DNAH17: variants seen among roughly 807,000 people sequenced by gnomAD.
DNAH17 encodes the protein dynein axonemal heavy chain 17.
A neutral mutation model predicts 485.6 loss-of-function variants in DNAH17; 376 were observed. The ratio of observed to expected loss-of-function variants is 0.77; its 90% CI spans 0.71 to 0.84. The LOEUF (loss-of-function observed/expected upper bound fraction) is 0.84. Ranked by LOEUF, DNAH17 falls within the 40% of genes least tolerant of loss-of-function variation. DNAH17 has a pLI of 0.00. For synonymous variants in DNAH17, 3,031 were observed against 2,405.9 expected (o/e 1.26, Z -7.60); for missense variants, 6,370 against 5,839.3 (o/e 1.09, Z -2.96).
At position 78,494,649 on chromosome 17, in the gene DNAH17, C is replaced by T. The variant is rs771686283; in HGVS notation, c.6214G>A (p.Gly2072Arg). ...DDLPVFMGLI[G>R]DLFPALDVPR... ...ACGTCCAGAGCCGGGAAGAGGTCCCCGATCAGTCCCATGAATACGGGCAGG... is the reference window on the plus strand; with the variant it reads ...ACGTCCAGAGCCGGGAAGAGGTCCCTGATCAGTCCCATGAATACGGGCAGG... Residue 2072 changes from glycine to arginine, a missense_variant, in exon 40 of 81, where the codon GGG becomes AGG. Gly to Arg is a moderately radical substitution (Grantham distance 125). Coordinates refer to ENST00000389840, the MANE Select transcript of DNAH17 (RefSeq NM_173628.4). The T allele has an allele frequency of 3.5e-5, 57 of 1,613,822 alleles. No individual in the cohort carries two copies. Among genetic ancestry groups the T allele is most frequent in the Non-Finnish European group, 4.1e-5 (48 of 1,179,910 alleles).
At chr17:78,434,693 C>G (rs1205326158) in intron 74 of DNAH17, among the ~76,000 whole-genome samples, 2 of 152,006 alleles carry the variant, frequency 1.3e-5, no homozygotes, top group Non-Finnish European at 1.5e-5. Flanking sequence ...GGTCGCTTCT[C>G]AAACCCTTTC....
intron 56 of DNAH17, among the ~76,000 whole-genome samples, chr17:78,464,326 C>A (rs1178690461): frequency 6.6e-6 from 1 of 152,212 alleles, no homozygotes; most frequent in Non-Finnish European, 1.5e-5. Flanking sequence ...GTGGCACAAT[C>A]TTGGCTTACT....
At chr17:78,463,361 C>CACATAT (rs1357192318) in intron 56 of DNAH17, among the ~76,000 whole-genome samples, 2 of 152,234 alleles carry the variant, frequency 1.3e-5, no homozygotes, top group African/African-American at 4.8e-5. Flanking sequence ...TACACACACA[C>CACATAT]GTATATGTGC....
intron 74 of DNAH17, 120 bp downstream of exon 74, chr17:78,437,521 G>T: frequency 3.0e-6 from 2 of 663,138 alleles, no homozygotes; most frequent in Non-Finnish European, 5.0e-6. Context: ...GACAGGGGAA[G>T]CCCAGAGGGG....
chr17:78,493,907 C>A, intron 41 of DNAH17, 129 bp downstream of exon 41: 1 of 1,348,118 alleles, frequency 7.4e-7, no homozygotes, highest in South Asian at 1.5e-5. Flanking sequence ...TGACTCAGGC[C>A]GGAGGGCTCC....
intron 1 of DNAH17, among the ~76,000 whole-genome samples, chr17:78,575,606 A>T (rs1235722977): frequency 6.6e-6 from 1 of 151,946 alleles, no homozygotes; most frequent in Admixed American, 6.6e-5. Flanking sequence ...CTTAACTTTC[A>T]CTCTGCTCTG....
At position 78,494,784 on chromosome 17, in the gene DNAH17, C is replaced by T; in HGVS notation, c.6079G>A (p.Val2027Met). Reference sequence around the variant, plus strand: ...TTCAGGGAGCCGGCCACCACCAGCACAGACTTGATGGCTCTCAGGCCCCAG... The same window carrying T: ...TTCAGGGAGCCGGCCACCACCAGCATAGACTTGATGGCTCTCAGGCCCCAG... Reference protein sequence around the residue: ...YDWGLRAIKSVLVVAGSLKRG... With the variant: ...YDWGLRAIKSMLVVAGSLKRG... The change falls in exon 40 of 81, where the codon GTG becomes ATG. Residue 2027 changes from valine to methionine, a missense_variant. Val to Met is a conservative substitution (Grantham distance 21). Coordinates refer to ENST00000389840, the MANE Select transcript of DNAH17 (RefSeq NM_173628.4). The T allele has an allele frequency of 6.2e-7, 1 of 1,612,884 alleles. No individual in the cohort carries two copies. The highest frequency in any genetic ancestry group is 8.5e-7 in the Non-Finnish European group (1 of 1,179,418).
At position 78,550,289 on chromosome 17, in the gene DNAH17, G is replaced by A. The variant is rs151337794; in HGVS notation, c.2391+1246C>T. Among the ~76,000 whole-genome samples, 68 of 14,906 alleles carry A rather than the reference G, an allele frequency of 4.6e-3. No homozygotes were observed. The East Asian group carries it at 0.079, about 17-fold the overall frequency. 9.8% of individuals were successfully genotyped at this position (14,906 alleles called of 152,430 possible). ...CTAAAGATAACGAAGAACTCTGCAC[G>A]CCCCAGACAGAGAGGACAGGCTCAT... On this transcript the variant is annotated intron_variant, in intron 16 of 80. Coordinates refer to ENST00000389840, the MANE Select transcript of DNAH17 (RefSeq NM_173628.4).
Position 78,429,335 on chromosome 17 carries a change from C to T in DNAH17, c.12226-35G>A. ...GATGACAGCGGGTAGGGGAAAGTGC[C>T]CCTGTGCCCCTTCTCTGCCATGAGA... On this transcript the variant is annotated intron_variant, in intron 75 of 80. Coordinates refer to ENST00000389840, the MANE Select transcript of DNAH17 (RefSeq NM_173628.4). The T allele has an allele frequency of 2.5e-6, 4 of 1,598,136 alleles. No individual in the cohort carries two copies. The East Asian group carries it at 6.7e-5, about 27-fold the overall frequency.
Position 78,479,086 on chromosome 17 carries a change from A to C in DNAH17, c.7931T>G (p.Leu2644Arg). 1 of 1,614,014 alleles carries C rather than the reference A, an allele frequency of 6.2e-7. No individual in the cohort carries two copies. The highest frequency in any genetic ancestry group is 8.5e-7 in the Non-Finnish European group (1 of 1,179,874). Residue 2644 changes from leucine to arginine, a missense_variant, in exon 51 of 81, where the codon CTT (leucine) becomes CGT (arginine). Physicochemically the swap from Leu to Arg is moderately radical, Grantham distance 102. Transcript: ENST00000389840. ...ALHQKITATF[L>R]PTAIKFHYVF... ...ATAATGAAACTTAATGGCCGTGGGA[A>C]GAAATGTTGCCGTGATTTTCTGATG...
At chr17:78,460,058 G>A in intron 59 of DNAH17, 57 bp from the exon 60 acceptor site, 1 of 1,599,628 alleles carries the variant, frequency 6.3e-7, no homozygotes, top group Non-Finnish European at 8.5e-7. Context: ...CCTCGGTGAT[G>A]CCCCGAAGAA....
chr17:78,556,413 A>T (rs987062517), intron 14 of DNAH17, among the ~76,000 whole-genome samples: 1 of 152,230 alleles, frequency 6.6e-6, no homozygotes, highest in Non-Finnish European at 1.5e-5. Context: ...CAGCAGAATG[A>T]AACAGATCCA....
rs1171791894 is a variant in DNAH17, at chr17:78,507,372, G to A, written c.4585-3C>T. 1.2e-6 allele frequency: 2 copies of A among 1,613,912 alleles called. No homozygotes were observed. The highest frequency in any genetic ancestry group is 1.3e-5 in the African/African-American group (1 of 74,918). On this transcript the variant is annotated splice_region_variant and splice_polypyrimidine_tract_variant and intron_variant, in intron 28 of 80. Transcript: ENST00000389840. ...TTCACTGCATCTTCCATCAAGGCCT[G>A]GGAAGAGAAGGGGATCGCCAAGGCA...
intron 16 of DNAH17, among the ~76,000 whole-genome samples, chr17:78,545,442 G>C (rs2091732960): frequency 6.6e-6 from 1 of 152,166 alleles, no homozygotes. Flanking sequence ...GGCATGTTTG[G>C]TTCCAGGTGA....
chr17:78,495,896 T>C lies in DNAH17; in HGVS notation c.5882A>G (p.Glu1961Gly), dbSNP rs1182231758. ...GTACCTGAATAAGGCTTTTAGGTTCTCAGGCAGCTCCGCGCGTCCGGCGTA... is the reference window on the plus strand; with the variant it reads ...GTACCTGAATAAGGCTTTTAGGTTCCCAGGCAGCTCCGCGCGTCCGGCGTA... ...PGYAGRAELP[E>G]NLKALFRPCA... The change falls in exon 38 of 81, where the codon GAG (glutamate) becomes GGG (glycine). Residue 1961 changes from glutamate (E) to glycine (G), a missense_variant. Coordinates refer to ENST00000389840, the MANE Select transcript of DNAH17 (RefSeq NM_173628.4). 2 of 1,613,756 alleles carry C rather than the reference T, an allele frequency of 1.2e-6. No individual in the cohort carries two copies. The highest frequency in any genetic ancestry group is 1.7e-6 in the Non-Finnish European group (2 of 1,179,766).
intron 62 of DNAH17, among the ~76,000 whole-genome samples, chr17:78,457,318 C>A (rs897643148): frequency 6.6e-6 from 1 of 152,072 alleles, no homozygotes; most frequent in African/African-American, 2.4e-5. Flanking sequence ...TTGCAGTGAG[C>A]CAAGATCGTG....
chr17:78,500,968 C>T (rs2090267130), intron 35 of DNAH17: 1 of 450,542 alleles, frequency 2.2e-6, no homozygotes, highest in South Asian at 6.5e-5. Context: ...CCCAACTCAG[C>T]AGGCCCACAG....
At chr17:78,449,376 C>T in intron 69 of DNAH17, 38 bp downstream of exon 69, 1 of 1,522,450 alleles carries the variant, frequency 6.6e-7, no homozygotes, top group South Asian at 1.2e-5. Context: ...CACCGCTGGT[C>T]CACGGACCAC....
intron 47 of DNAH17, among the ~76,000 whole-genome samples, chr17:78,485,337 C>T (rs570098730): frequency 6.6e-6 from 1 of 152,248 alleles, no homozygotes; most frequent in South Asian, 2.1e-4. Flanking sequence ...AAAACCCCAT[C>T]ACCATGCCCA....
Sources: gnomAD v4.1 joint callset for allele counts (sites outside exome capture counted in the v4.1 genomes callset) on GRCh38, gnomAD v4.1.1 for gene constraint, MANE v1.5 for transcripts, NCBI Gene and HGNC (gene_info 2026-07-23, HGNC 2026-07-21) for gene names.